Variants in DCDC1 observed in about 807,000 individuals in gnomAD.
The protein encoded by DCDC1 is doublecortin domain-containing protein 1.
DCDC1 carries 200 observed loss-of-function variants against 178.3 expected under a neutral mutation model. That is an observed-to-expected ratio of 1.12 (90% CI 1.00 to 1.26). DCDC1 has a LOEUF of 1.26. Among genes scored for constraint, DCDC1 ranks in the 50% most tolerant of loss-of-function variants. The probability of loss-of-function intolerance (pLI) is 0.00; values close to 1 mark genes in which losing one functional copy is unlikely to be tolerated. For missense variants in DCDC1, 1,983 were observed against 1,749.2 expected, an observed-to-expected ratio of 1.13 and a Z score of -2.38; for synonymous variants, 690 against 604.8, an observed-to-expected ratio of 1.14 and a Z score of -2.07.
chr11:30,877,019 TCTAACATCA>T (rs1454276493), intron 38 of DCDC1, among the ~76,000 whole-genome samples: 3 of 152,132 alleles, frequency 2.0e-5, no homozygotes, highest in Non-Finnish European at 4.4e-5. Flanking sequence ...CCTTCACATC[TCTAACATCA>T]CACAACACAT....
At chr11:30,951,237 C>A (rs1225815917) in intron 21 of DCDC1, among the ~76,000 whole-genome samples, 4 of 151,892 alleles carry the variant, frequency 2.6e-5, no homozygotes. Context: ...ATATTAAAAC[C>A]AACCAGAGAA....
intron 6 of DCDC1, among the ~76,000 whole-genome samples, chr11:31,304,830 T>A (rs1222839265): frequency 6.6e-6 from 1 of 152,122 alleles, no homozygotes; most frequent in Non-Finnish European, 1.5e-5. Context: ...GGCAAAGTCC[T>A]TATTCCTGTT....
intron 1 of DCDC1, among the ~76,000 whole-genome samples, chr11:31,357,627 A>G (rs902974547): frequency 2.6e-5 from 4 of 152,142 alleles, no homozygotes; most frequent in Non-Finnish European, 5.9e-5. Context: ...GTATTCAATT[A>G]GGAAAAGAGG....
Position 31,014,215 on chromosome 11 carries a change from CTCTT to C in DCDC1, c.2591+50250_2591+50253del, listed in dbSNP as rs915088243. On this transcript the variant is annotated intron_variant, in intron 20 of 38. Transcript: ENST00000684477. ...GCTCTCACTCTCTCTTTCTCTCTCTCTCTTTCTCTTTTTCTCCCCCCTCCCCTCC... is the reference window on the plus strand; with the variant it reads ...GCTCTCACTCTCTCTTTCTCTCTCTCTCTCTTTTTCTCCCCCCTCCCCTCC... Among the ~76,000 whole-genome samples, 5 of 152,132 alleles carry C rather than the reference CTCTT, an allele frequency of 3.3e-5. 1 individual carries two copies. The highest frequency in any genetic ancestry group is 1.2e-4 in the African/African-American group (5 of 41,448).
rs1313991446 is a variant in DCDC1 at position 30,953,860 on chromosome 11, T to C, written c.2592-1292A>G. Among the ~76,000 whole-genome samples, 4 of 151,934 alleles carry C rather than the reference T, an allele frequency of 2.6e-5. No homozygotes were observed. The East Asian group carries it at 5.8e-4, about 22-fold the overall frequency. ...CAAAATATGTCTTTGAAATAAAAAA[T>C]ATAATAGCAAATCTCTTGCAAATAA... On this transcript the variant is annotated intron_variant, in intron 20 of 38. Transcript: ENST00000684477.
intron 20 of DCDC1, among the ~76,000 whole-genome samples, chr11:31,031,860 T>C (rs934576317): frequency 1.3e-5 from 2 of 152,036 alleles, no homozygotes; most frequent in African/African-American, 4.8e-5. Flanking sequence ...ACAGCCATTA[T>C]ATTTTTCTTT....
chr11:31,005,697 T>C (rs1226017599), intron 20 of DCDC1, among the ~76,000 whole-genome samples: 1 of 152,088 alleles, frequency 6.6e-6, no homozygotes, highest in Non-Finnish European at 1.5e-5. Context: ...CACTTTCTTC[T>C]CTCCTACAGA....
At chr11:31,094,376 C>T (rs1958010312) in intron 15 of DCDC1, among the ~76,000 whole-genome samples, 192 bp from the exon 16 acceptor site, 1 of 152,118 alleles carries the variant, frequency 6.6e-6, no homozygotes, top group South Asian at 2.1e-4. Context: ...TTATGCAAGA[C>T]CCTATGCTGT....
chr11:31,218,250 T>A (rs1426937808), intron 9 of DCDC1, among the ~76,000 whole-genome samples: 7 of 152,076 alleles, frequency 4.6e-5, no homozygotes, highest in Admixed American at 4.6e-4. Context: ...GCCAAAACAC[T>A]AGAAAACTAA....
intron 9 of DCDC1, among the ~76,000 whole-genome samples, chr11:31,190,926 T>C (rs1415702017): frequency 6.6e-6 from 1 of 152,106 alleles, no homozygotes; most frequent in Admixed American, 6.6e-5. Flanking sequence ...CCCTTCGTAT[T>C]CATGGGGATT....
At chr11:31,076,156 G>C (rs1216127242) in intron 18 of DCDC1, among the ~76,000 whole-genome samples, 4 of 152,130 alleles carry the variant, frequency 2.6e-5, no homozygotes, top group African/African-American at 9.7e-5. Flanking sequence ...ACTGCACCTG[G>C]CCTCATTCAT....
intron 20 of DCDC1, among the ~76,000 whole-genome samples, chr11:31,030,886 A>G (rs1953580542): frequency 6.6e-6 from 1 of 152,080 alleles, no homozygotes; most frequent in Non-Finnish European, 1.5e-5. Flanking sequence ...TAATCTAGAA[A>G]TTCCCCCCTC....
chr11:31,194,736 C>T (rs550767369), intron 9 of DCDC1, among the ~76,000 whole-genome samples: 1 of 152,090 alleles, frequency 6.6e-6, no homozygotes, highest in East Asian at 1.9e-4. Context: ...CTGTGATGGA[C>T]ATTTTTGCAT....
chr11:31,369,621 C>G (rs1029411869), intron 1 of DCDC1, 76 bp downstream of exon 1: 1 of 152,702 alleles, frequency 6.5e-6, no homozygotes, highest in Non-Finnish European at 1.5e-5. Context: ...AGGAGAGAAG[C>G]GACAGTCGCG....
At chr11:31,340,869 T>C (rs771996563) in intron 1 of DCDC1, among the ~76,000 whole-genome samples, 7 of 152,076 alleles carry the variant, frequency 4.6e-5, no homozygotes, top group Non-Finnish European at 1.0e-4. Context: ...TTCATATATA[T>C]ATGTATTGAT....
chr11:31,109,760 C>G (rs1211599925), intron 12 of DCDC1, among the ~76,000 whole-genome samples: 1 of 152,086 alleles, frequency 6.6e-6, no homozygotes, highest in East Asian at 1.9e-4. Context: ...AAATAAAGAG[C>G]CTGAGCATGT....
chr11:31,277,811 A>T (rs1946103635), intron 7 of DCDC1, among the ~76,000 whole-genome samples: 1 of 152,068 alleles, frequency 6.6e-6, no homozygotes, highest in Non-Finnish European at 1.5e-5. Context: ...TTCTCAACCA[A>T]AGTTTTTTGT....
intron 38 of DCDC1, among the ~76,000 whole-genome samples, chr11:30,868,924 C>T (rs188877372): frequency 9.2e-5 from 14 of 152,280 alleles, no homozygotes; most frequent in Non-Finnish European, 1.5e-4. Flanking sequence ...TAATTTAATA[C>T]GAAACATTCA....
chr11:31,148,212 A>AAC (rs1264492816), intron 9 of DCDC1, among the ~76,000 whole-genome samples: 1 of 65,408 alleles, frequency 1.5e-5, no homozygotes, highest in African/African-American at 4.2e-5. Flanking sequence ...TATTATTATA[A>AAC]AAAAAAAAAA....
Sources: allele counts gnomAD v4.1 joint callset (sites outside exome capture counted in the v4.1 genomes callset), GRCh38; gene constraint gnomAD v4.1.1; transcripts MANE v1.5; gene names NCBI Gene and HGNC (gene_info 2026-07-23, HGNC 2026-07-21).